The following PLOD2 variants were observed in gnomAD, a reference collection of about 807,000 sequenced individuals.
PLOD2 encodes lysine hydroxylase 2.
PLOD2 carries 65 observed loss-of-function variants against 101.0 expected under a neutral mutation model. The ratio of observed to expected loss-of-function variants is 0.64; its 90% CI spans 0.53 to 0.79. The LOEUF (loss-of-function observed/expected upper bound fraction) is 0.79, where lower values mean the gene tolerates loss of function less well. Among genes scored for constraint, PLOD2 ranks in the 30% least tolerant of loss-of-function variants. The pLI is 0.00. For synonymous variants in PLOD2, 314 were observed against 302.9 expected (o/e 1.04, Z -0.38); for missense variants, 909 against 914.6 (o/e 0.99, Z 0.08).
chr3:146,103,460 AT>A (rs754846765), intron 6 of PLOD2, among the ~76,000 whole-genome samples: 773 of 141,450 alleles, frequency 5.5e-3, no homozygotes, highest in Middle Eastern at 7.5e-3. Context: ...CATTGTGGGA[AT>A]TTTTTTTTTT....
chr3:146,095,722 A>G (rs1298782781), intron 7 of PLOD2, among the ~76,000 whole-genome samples: 1 of 152,150 alleles, frequency 6.6e-6, no homozygotes, highest in South Asian at 2.1e-4. Context: ...TATCCAAAGG[A>G]TTCTAAGTCA....
At chr3:146,131,368 G>A (rs762094763) in intron 1 of PLOD2, among the ~76,000 whole-genome samples, 6 of 152,114 alleles carry the variant, frequency 3.9e-5, no homozygotes, top group South Asian at 2.1e-4. Context: ...AGGTGGTCTT[G>A]GGGATGTCCG....
chr3:146,148,428 T>C (rs1400940872), intron 1 of PLOD2, among the ~76,000 whole-genome samples: 1 of 150,772 alleles, frequency 6.6e-6, no homozygotes, highest in Admixed American at 6.6e-5. Context: ...AGCAAAGCAC[T>C]ATACCTAAAT....
At chr3:146,125,312 C>G (rs1395002134) in intron 1 of PLOD2, among the ~76,000 whole-genome samples, 1 of 151,800 alleles carries the variant, frequency 6.6e-6, no homozygotes, top group Admixed American at 6.6e-5. Context: ...ATCTATCTGT[C>G]AAATTTTGAA....
intron 14 of PLOD2, chr3:146,077,180 G>T: frequency 9.6e-7 from 1 of 1,041,378 alleles, no homozygotes; most frequent in South Asian, 3.9e-5. Flanking sequence ...TGTAGACATC[G>T]GGGAAAAAAT....
At chr3:146,136,661 T>C (rs987968427) in intron 1 of PLOD2, among the ~76,000 whole-genome samples, 3 of 152,188 alleles carry the variant, frequency 2.0e-5, no homozygotes, top group Admixed American at 2.0e-4. Flanking sequence ...AGTGATATAG[T>C]AGCAGTCATA....
chr3:146,094,693 CTT>C (rs2108035495), intron 7 of PLOD2, among the ~76,000 whole-genome samples: 1 of 152,290 alleles, frequency 6.6e-6, no homozygotes, highest in African/African-American at 2.4e-5. Flanking sequence ...CTACCATTGA[CTT>C]TATTCACAAA....
At chr3:146,088,961 T>C in intron 8 of PLOD2, 1 of 468,398 alleles carries the variant, frequency 2.1e-6, no homozygotes, top group Non-Finnish European at 3.9e-6. Flanking sequence ...TTATCCTATT[T>C]ATTACATGAA....
At chr3:146,156,852 CT>C (rs2032320865) in intron 1 of PLOD2, among the ~76,000 whole-genome samples, 1 of 152,252 alleles carries the variant, frequency 6.6e-6, no homozygotes, top group African/African-American at 2.4e-5. Context: ...CCCTCTTCTA[CT>C]GCTTTCCACC....
chr3:146,127,807 A>G (rs1364570688), intron 1 of PLOD2, among the ~76,000 whole-genome samples: 1 of 152,172 alleles, frequency 6.6e-6, no homozygotes, highest in East Asian at 1.9e-4. Flanking sequence ...CAAAGCCACA[A>G]TGAGATACCA....
At chr3:146,105,862 C>G (rs1255694946) in intron 5 of PLOD2, among the ~76,000 whole-genome samples, 1 of 152,106 alleles carries the variant, frequency 6.6e-6, no homozygotes, top group African/African-American at 2.4e-5. Context: ...AGGCTAAAGA[C>G]TACAAATGAG....
chr3:146,132,380 T>A (rs1183671524), intron 1 of PLOD2, among the ~76,000 whole-genome samples: 1 of 152,050 alleles, frequency 6.6e-6, no homozygotes, highest in Non-Finnish European at 1.5e-5. Flanking sequence ...GTCATGAAGT[T>A]AAAAATAAAC....
intron 7 of PLOD2, among the ~76,000 whole-genome samples, chr3:146,093,124 A>T (rs1005575374): frequency 2.0e-5 from 3 of 152,204 alleles, no homozygotes; most frequent in African/African-American, 7.2e-5. Context: ...TGTGGAATAC[A>T]TGAAGTAGTT....
intron 8 of PLOD2, among the ~76,000 whole-genome samples, chr3:146,089,626 T>TC (rs1436190885): frequency 6.6e-6 from 1 of 151,658 alleles, no homozygotes; most frequent in African/African-American, 2.4e-5. Context: ...ACACGGTACC[T>TC]CACACATTAC....
chr3:146,087,335 T>C (rs1936813924), intron 9 of PLOD2, among the ~76,000 whole-genome samples: 2 of 152,028 alleles, frequency 1.3e-5, no homozygotes, highest in African/African-American at 4.8e-5. Context: ...ATAATAGCCA[T>C]CAATCTGAGT....
At chr3:146,089,597 C>A (rs568191612) in intron 8 of PLOD2, among the ~76,000 whole-genome samples, 1 of 151,266 alleles carries the variant, frequency 6.6e-6, no homozygotes, top group Non-Finnish European at 1.5e-5. Context: ...GAATTAGCAA[C>A]CTTCTTCCAT....
rs1937569897 is a variant in PLOD2, at chr3:146,108,209, C to T, written c.503-1565G>A. 2.0e-5 allele frequency among the ~76,000 whole-genome samples: 3 copies of T among 152,126 alleles called. No homozygotes were observed. The South Asian group carries it at 6.2e-4, about 32-fold the overall frequency. On this transcript the variant is annotated intron_variant, in intron 4 of 19. Coordinates refer to ENST00000282903, the MANE Select transcript of PLOD2 (RefSeq NM_182943.3). ...TGTTGTTGTTTTTGGAGATGGGGCT[C>T]TCACTCTGCCACCCAGGCTAGAGTG...
chr3:146,111,070 TTAATA>T (rs901851241), intron 3 of PLOD2, among the ~76,000 whole-genome samples: 5 of 152,142 alleles, frequency 3.3e-5, no homozygotes, highest in African/African-American at 9.7e-5. Flanking sequence ...TATAATTTAA[TTAATA>T]TAATATAATT....
At chr3:146,158,873 G>A (rs770130925) in intron 1 of PLOD2, among the ~76,000 whole-genome samples, 2 of 152,196 alleles carry the variant, frequency 1.3e-5, no homozygotes, top group Non-Finnish European at 2.9e-5. Flanking sequence ...TACAGGGTTA[G>A]AGATGATAAG....
Sources: allele counts gnomAD v4.1 joint callset (sites outside exome capture counted in the v4.1 genomes callset), GRCh38; gene constraint gnomAD v4.1.1; transcripts MANE v1.5; gene names NCBI Gene and HGNC (gene_info 2026-07-23, HGNC 2026-07-21).